WDR44: variants seen among roughly 807,000 people sequenced by gnomAD.
WDR44 encodes the protein WD repeat domain 44.
In WDR44, 9 loss-of-function variants were observed where a neutral mutation model predicts 65.7. That is an observed-to-expected ratio of 0.14 (90% confidence interval 0.08 to 0.24). The LOEUF (loss-of-function observed/expected upper bound fraction) is 0.24. WDR44 is among the 10% of genes least tolerant of loss of function. The probability of loss-of-function intolerance (pLI) is 1.00; values close to 1 mark genes in which losing one functional copy is unlikely to be tolerated. For synonymous variants in WDR44, 220 were observed against 235.2 expected, an observed-to-expected ratio of 0.94 and a Z score of 0.59; for missense variants, 425 against 670.9, an observed-to-expected ratio of 0.63 and a Z score of 4.05.
At chrX:118,349,533 T>C (rs1737215224) in intron 1 of WDR44, among the ~76,000 whole-genome samples, 1 of 108,338 alleles carries the variant, frequency 9.2e-6, no homozygotes, top group Admixed American at 1.0e-4. Flanking sequence ...TTTCTCATTT[T>C]TATCTTCATT....
At chrX:118,389,810 T>C (rs2056803335) in intron 3 of WDR44, among the ~76,000 whole-genome samples, 1 of 108,694 alleles carries the variant, frequency 9.2e-6, no homozygotes, top group Admixed American at 1.0e-4. Flanking sequence ...GTGCAGAACA[T>C]TTGAGGATGA....
intron 11 of WDR44, 147 bp downstream of exon 11, chrX:118,409,774 C>A: frequency 1.9e-6 from 1 of 527,716 alleles, no homozygotes; most frequent in Non-Finnish European, 2.9e-6. Flanking sequence ...ACGTCAGTGG[C>A]AAAAAGTCTC....
At chrX:118,352,334 A>ATT (rs2056414966) in intron 1 of WDR44, among the ~76,000 whole-genome samples, 1 of 16,466 alleles carries the variant, frequency 6.1e-5, no homozygotes, top group African/African-American at 5.5e-4. Flanking sequence ...ATATATATAT[A>ATT]TATATATATA....
intron 12 of WDR44, among the ~76,000 whole-genome samples, chrX:118,424,349 G>GTA (rs1181331001): frequency 5.3e-5 from 3 of 56,208 alleles, no homozygotes; most frequent in East Asian, 7.0e-4. Flanking sequence ...ATATATATAT[G>GTA]TATATATATA....
intron 8 of WDR44, among the ~76,000 whole-genome samples, chrX:118,399,574 A>G (rs954135630): frequency 8.9e-6 from 1 of 111,894 alleles, no homozygotes; most frequent in Non-Finnish European, 1.9e-5. Context: ...ACAGATAAAC[A>G]TCCAGAAGAG....
intron 8 of WDR44, among the ~76,000 whole-genome samples, chrX:118,400,242 T>C (rs1375717763): frequency 9.0e-6 from 1 of 111,090 alleles, no homozygotes; most frequent in East Asian, 2.9e-4. Context: ...CAGAGAAGAT[T>C]GGCCCAGGCT....
intron 2 of WDR44, among the ~76,000 whole-genome samples, chrX:118,383,600 A>G (rs1369616335): frequency 9.0e-6 from 1 of 111,651 alleles, no homozygotes; most frequent in Non-Finnish European, 1.9e-5. Context: ...AGGACAGTTG[A>G]AGGTGTTTCT....
At chrX:118,368,537 G>C (rs1270082214) in intron 1 of WDR44, among the ~76,000 whole-genome samples, 1 of 97,064 alleles carries the variant, frequency 1.0e-5, no homozygotes, top group East Asian at 3.4e-4. Flanking sequence ...TGTCTTGGCT[G>C]ATACATGGAT....
At chrX:118,360,327 G>T (rs1342164880) in intron 1 of WDR44, among the ~76,000 whole-genome samples, 2 of 112,412 alleles carry the variant, frequency 1.8e-5, no homozygotes, top group African/African-American at 6.5e-5. Flanking sequence ...AAGGAGAACA[G>T]TCTCTTGTTC....
chrX:118,397,692 A>G (rs935356983), intron 7 of WDR44, among the ~76,000 whole-genome samples: 6 of 111,776 alleles, frequency 5.4e-5, no homozygotes, highest in Non-Finnish European at 1.1e-4. Flanking sequence ...CTATTGAATC[A>G]TTTTGGTAAA....
intron 1 of WDR44, among the ~76,000 whole-genome samples, chrX:118,368,481 A>ATATATATATATATATAT (rs1377849821): frequency 1.0e-5 from 1 of 95,288 alleles, no homozygotes; most frequent in Admixed American, 1.2e-4. Flanking sequence ...ATATATATAT[A>ATATATATATATATATAT]CTTCTTGAGG....
At chrX:118,426,581 C>T (rs1257851651) in intron 12 of WDR44, among the ~76,000 whole-genome samples, 1 of 109,953 alleles carries the variant, frequency 9.1e-6, no homozygotes, top group Admixed American at 9.8e-5. Context: ...TGGCACATGC[C>T]TGTGGTCCCA....
rs183644354 is a variant in WDR44 at position 118,425,463 on chromosome X, C to T, written c.1738-7318C>T. Among the ~76,000 whole-genome samples, 275 of 110,893 alleles carry T rather than the reference C, an allele frequency of 2.5e-3. 2 individuals carry two copies. The highest frequency in any genetic ancestry group is 8.7e-3 in the African/African-American group (266 of 30,537). On this transcript the variant is annotated intron_variant, in intron 12 of 19. Transcript: ENST00000254029. ...AGGAGTTCAAGACCAGCCTGACCAA[C>T]AAGGTGAAACCCTGTCTCTACTAAA...
intron 12 of WDR44, among the ~76,000 whole-genome samples, chrX:118,425,280 T>G (rs775818932): frequency 9.0e-6 from 1 of 111,566 alleles, no homozygotes; most frequent in East Asian, 2.8e-4. Flanking sequence ...AATCAGTGGG[T>G]TTTCAAACAG....
chrX:118,386,442 C>T (rs770130422), intron 2 of WDR44: 7 of 345,172 alleles, frequency 2.0e-5, no homozygotes, highest in South Asian at 5.7e-5. Flanking sequence ...TAAATGTATA[C>T]GTAGATATAT....
intron 8 of WDR44, among the ~76,000 whole-genome samples, chrX:118,399,853 A>G (rs935632856): frequency 3.6e-5 from 4 of 111,614 alleles, no homozygotes; most frequent in African/African-American, 1.3e-4. Flanking sequence ...TGGGAGACCA[A>G]AGTAGGAGGA....
intron 13 of WDR44, among the ~76,000 whole-genome samples, chrX:118,435,473 G>T (rs1482184324): frequency 9.0e-6 from 1 of 111,168 alleles, no homozygotes; most frequent in Non-Finnish European, 1.9e-5. Flanking sequence ...AGTGGAGATG[G>T]GGTTTCACCA....
intron 17 of WDR44, among the ~76,000 whole-genome samples, chrX:118,443,352 T>G (rs1266317227): frequency 8.9e-6 from 1 of 111,766 alleles, no homozygotes; most frequent in Non-Finnish European, 1.9e-5. Flanking sequence ...CACAGTTACT[T>G]AGAGCTTTGA....
intron 1 of WDR44, among the ~76,000 whole-genome samples, chrX:118,374,927 T>C (rs1013902395): frequency 8.9e-6 from 1 of 111,949 alleles, no homozygotes; most frequent in South Asian, 3.7e-4. Context: ...AGAAACAATA[T>C]TGAAGCAAGG....
Sources: gnomAD v4.1 joint callset for allele counts (sites outside exome capture counted in the v4.1 genomes callset) on GRCh38, gnomAD v4.1.1 for gene constraint, MANE v1.5 for transcripts, NCBI Gene and HGNC (gene_info 2026-07-23, HGNC 2026-07-21) for gene names.